PRELID2: variants seen among roughly 807,000 people sequenced by gnomAD.
PRELID2 encodes the protein PRELI domain-containing protein 2.
A neutral mutation model predicts 28.4 loss-of-function variants in PRELID2; 25 were observed. The observed-to-expected ratio is 0.88, with a 90% CI of 0.64 to 1.23. PRELID2 has a LOEUF of 1.23. Among genes scored for constraint, PRELID2 ranks in the 50% most tolerant of loss-of-function variants. The probability of loss-of-function intolerance (pLI) is 0.00; values close to 1 mark genes in which losing one functional copy is unlikely to be tolerated. For synonymous variants in PRELID2, 76 were observed against 71.6 expected (o/e 1.06, Z -0.31); for missense variants, 201 against 214.4 (o/e 0.94, Z 0.39).
chr5:145,640,708 G>A (rs150272694), intron 1 of PRELID2, among the ~76,000 whole-genome samples: 1 of 151,524 alleles, frequency 6.6e-6, no homozygotes, highest in African/African-American at 2.4e-5. Context: ...GCAAGGCCAA[G>A]TGTCTTCAAG....
chr5:145,440,073 A>C, the PRELID2 span, among the ~76,000 whole-genome samples: 1 of 152,082 alleles, frequency 6.6e-6, no homozygotes, highest in Non-Finnish European at 1.5e-5. Context: ...GTCCACTCTG[A>C]GGCTGAGCTC....
At chr5:145,396,103 C>T in the PRELID2 span, among the ~76,000 whole-genome samples, 186 of 152,218 alleles carry the variant, frequency 1.2e-3, no homozygotes, top group African/African-American at 4.4e-3. Context: ...ACCAACATTA[C>T]GGGCAGATTT....
chr5:145,596,748 A>G (rs961132179), intron 1 of PRELID2, among the ~76,000 whole-genome samples: 1 of 152,206 alleles, frequency 6.6e-6, no homozygotes, highest in Non-Finnish European at 1.5e-5. Context: ...CTTGACTTTA[A>G]GAGAAGTCAG....
chr5:145,451,671 T>G, the PRELID2 span, among the ~76,000 whole-genome samples: 1 of 152,142 alleles, frequency 6.6e-6, no homozygotes, highest in African/African-American at 2.4e-5. Context: ...GGGGACAGAT[T>G]AAAATCTGCA....
At chr5:145,282,542 C>T in the PRELID2 span, among the ~76,000 whole-genome samples, 9 of 146,596 alleles carry the variant, frequency 6.1e-5, no homozygotes, top group Admixed American at 4.1e-4. Context: ...TTTTTTGAGA[C>T]GGAGTCTTGT....
chr5:145,342,787 T>C, the PRELID2 span, among the ~76,000 whole-genome samples: 1 of 150,512 alleles, frequency 6.6e-6, no homozygotes, highest in Non-Finnish European at 1.5e-5. Context: ...TCAGTAAAGA[T>C]ACATATAGAC....
chr5:145,492,241 A>T (rs1448549158), intron 1 of PRELID2, among the ~76,000 whole-genome samples: 1 of 152,128 alleles, frequency 6.6e-6, no homozygotes, highest in East Asian at 1.9e-4. Context: ...GTGGTATCTC[A>T]TTGTAGTTTT....
chr5:145,516,765 G>T (rs1043373939), intron 1 of PRELID2, among the ~76,000 whole-genome samples: 1 of 152,146 alleles, frequency 6.6e-6, no homozygotes, highest in South Asian at 2.1e-4. Flanking sequence ...AACCAAAACA[G>T]CATGGTACTG....
chr5:145,229,946 G>C, the PRELID2 span: 7 of 747,544 alleles, frequency 9.4e-6, no homozygotes, highest in Admixed American at 7.1e-5. Context: ...TGATGAGCGT[G>C]AACGTGCAGG....
At chr5:145,240,594 T>C in the PRELID2 span, among the ~76,000 whole-genome samples, 1 of 152,012 alleles carries the variant, frequency 6.6e-6, no homozygotes, top group Non-Finnish European at 1.5e-5. Context: ...TCCACATTTT[T>C]GCTATTTTAA....
chr5:145,740,317 TATAA>T (rs1359546421), intron 1 of PRELID2, among the ~76,000 whole-genome samples: 36 of 85,454 alleles, frequency 4.2e-4, no homozygotes, highest in African/African-American at 1.2e-3. Context: ...TATATATATA[TATAA>T]ATCCTAAATG....
At chr5:145,315,545 G>GGT in the PRELID2 span, among the ~76,000 whole-genome samples, 18,478 of 142,532 alleles carry the variant, frequency 0.13, 1,207 homozygotes, top group South Asian at 0.18. Flanking sequence ...GCTCTTTCAG[G>GGT]GTGTGTGTGT....
chr5:145,550,012 G>T (rs1580974861), intron 1 of PRELID2, among the ~76,000 whole-genome samples: 1 of 152,154 alleles, frequency 6.6e-6, no homozygotes, highest in Non-Finnish European at 1.5e-5. Context: ...GGAAGGCAGG[G>T]ACTGGGACCT....
intron 1 of PRELID2, among the ~76,000 whole-genome samples, chr5:145,651,506 C>CTTT (rs1754297489): frequency 6.6e-6 from 1 of 152,180 alleles, no homozygotes; most frequent in East Asian, 1.9e-4. Context: ...GAGGCACCCC[C>CTTT]AGTAGGGGCA....
chr5:145,389,881 T>G, the PRELID2 span, among the ~76,000 whole-genome samples: 1 of 151,522 alleles, frequency 6.6e-6, no homozygotes, highest in African/African-American at 2.4e-5. Flanking sequence ...CAGACCAAAG[T>G]GAAAAATACT....
At chr5:145,460,040 A>C in the PRELID2 span, among the ~76,000 whole-genome samples, 5 of 152,024 alleles carry the variant, frequency 3.3e-5, no homozygotes, top group Admixed American at 2.0e-4. Flanking sequence ...TGAACTCCTG[A>C]CCTCGTGATC....
chr5:145,673,788 A>G (rs978222265), intron 1 of PRELID2, among the ~76,000 whole-genome samples: 3 of 152,184 alleles, frequency 2.0e-5, no homozygotes, highest in Non-Finnish European at 4.4e-5. Flanking sequence ...GAAGGGGAAA[A>G]GCCTGTTTAC....
chr5:145,258,937 C>T, the PRELID2 span, among the ~76,000 whole-genome samples: 2 of 152,122 alleles, frequency 1.3e-5, no homozygotes, highest in Admixed American at 1.3e-4. Flanking sequence ...GGCCCAGGGC[C>T]CTGCCACCCT....
intron 1 of PRELID2, among the ~76,000 whole-genome samples, chr5:145,570,241 A>G (rs1430214666): frequency 6.6e-6 from 1 of 152,150 alleles, no homozygotes; most frequent in Non-Finnish European, 1.5e-5. Flanking sequence ...TAGGACATCA[A>G]TATATCTTTT....
Sources: allele counts gnomAD v4.1 joint callset (sites outside exome capture counted in the v4.1 genomes callset), GRCh38; gene constraint gnomAD v4.1.1; transcripts MANE v1.5; gene names NCBI Gene and HGNC (gene_info 2026-07-23, HGNC 2026-07-21).